Variants in CRB3 observed in about 807,000 individuals in gnomAD.
The protein encoded by CRB3 is protein crumbs homolog 3.
In CRB3, 4 loss-of-function variants were observed where a neutral mutation model predicts 10.4. The observed-to-expected ratio is 0.39, with a 90% CI of 0.19 to 0.88. The LOEUF is 0.88. Ranked by LOEUF, CRB3 falls within the 40% of genes least tolerant of loss-of-function variation. CRB3 has a pLI of 0.39. For missense variants in CRB3, 154 were observed against 160.2 expected (o/e 0.96, Z 0.21); for synonymous variants, 74 against 73.4 (o/e 1.01, Z -0.04).
Position 6,464,618 on chromosome 19 carries a change from G to A in CRB3, c.-84G>A. On this transcript the variant is annotated 5_prime_UTR_variant, in exon 2 of 4. Transcript: ENST00000600229. The surrounding 1 kb of genome is among the most constrained non-coding windows in gnomAD (Gnocchi z 5.3). ...TTCTCCTGTCCCCAGGTGCCCCGTCGCAGGTGCCCCTGGCCGGAGATGCGG... is the reference window on the plus strand; with the variant it reads ...TTCTCCTGTCCCCAGGTGCCCCGTCACAGGTGCCCCTGGCCGGAGATGCGG... 2 of 847,118 alleles carry A rather than the reference G, an allele frequency of 2.4e-6. No homozygotes were observed. Among genetic ancestry groups the A allele is most frequent in the Non-Finnish European group, 3.1e-6 (2 of 636,716 alleles). 52.5% of individuals were successfully genotyped at this position (847,118 alleles called of 1,614,324 possible).
intron 2 of CRB3, chr19:6,465,179 A>G: frequency 3.3e-6 from 1 of 302,486 alleles, no homozygotes; most frequent in African/African-American, 2.1e-5. Flanking sequence ...TGTAGACCCC[A>G]GCCATTCAGT....
rs113905360 is a variant in CRB3, at chr19:6,466,746, C to G, written c.*74C>G. 4 of 1,555,260 alleles carry G rather than the reference C, an allele frequency of 2.6e-6. No individual in the cohort carries two copies. In the African/African-American group the frequency reaches 4.1e-5, roughly 16 times the overall value. On this transcript the variant is annotated 3_prime_UTR_variant, in exon 4 of 4. Coordinates refer to ENST00000600229, the MANE Select transcript of CRB3 (RefSeq NM_139161.5). The surrounding 1 kb of genome is among the most constrained non-coding windows in gnomAD (Gnocchi z 4.9). ...CTGGCTTGTACACCGCAGCTGCCACCGAGACACCAGCCTCTGATGGCTCAG... is the reference window on the plus strand; with the variant it reads ...CTGGCTTGTACACCGCAGCTGCCACGGAGACACCAGCCTCTGATGGCTCAG...
At position 6,467,081 on chromosome 19, in the gene CRB3, C is replaced by T. The variant is rs1458432997; in HGVS notation, c.*409C>T. Reference sequence around the variant, plus strand: ...TGTGTGACCTTGGGGAAAGGCAGTGCCCTCTCTGGGCAGTCAGATCCACCC... The same window carrying T: ...TGTGTGACCTTGGGGAAAGGCAGTGTCCTCTCTGGGCAGTCAGATCCACCC... On this transcript the variant is annotated 3_prime_UTR_variant, in exon 4 of 4. Transcript: ENST00000600229. 1 of 1,506,842 alleles carries T rather than the reference C, an allele frequency of 6.6e-7. No homozygotes were observed. The highest frequency in any genetic ancestry group is 9.2e-7 in the Non-Finnish European group (1 of 1,085,916). The allele number at this position is 1,506,842 out of a possible 1,614,324, so 93.3% of individuals were successfully genotyped here.
rs1255181224 is a variant in CRB3, at chr19:6,466,762, G to A, written c.*90G>A. 2 of 1,552,918 alleles carry A rather than the reference G, an allele frequency of 1.3e-6. No homozygotes were observed. Among genetic ancestry groups the A allele is most frequent in the Non-Finnish European group, 1.7e-6 (2 of 1,153,224 alleles). On this transcript the variant is annotated 3_prime_UTR_variant, in exon 4 of 4. Coordinates refer to ENST00000600229, the MANE Select transcript of CRB3 (RefSeq NM_139161.5). This position sits in a 1 kb window ranked among gnomAD's most constrained non-coding sequence, Gnocchi z 4.9. ...AGCTGCCACCGAGACACCAGCCTCT[G>A]ATGGCTCAGGAGGACTTGTGGGGAG...
intron 2 of CRB3, 32 bp from the exon 3 acceptor site, chr19:6,465,513 A>G: frequency 1.3e-6 from 2 of 1,579,888 alleles, no homozygotes; most frequent in Non-Finnish European, 1.7e-6. Flanking sequence ...AAAGATGGAG[A>G]CTGAGTTATT....
Position 6,466,991 on chromosome 19 carries a change from AGGAGAC to A in CRB3, c.*322_*327del. On this transcript the variant is annotated 3_prime_UTR_variant, in exon 4 of 4. Coordinates refer to ENST00000600229, the MANE Select transcript of CRB3 (RefSeq NM_139161.5). This position sits in a 1 kb window ranked among gnomAD's most constrained non-coding sequence, Gnocchi z 4.9. The stretch of plus-strand genomic sequence containing the variant: ...GAGGCCCGGGCCCCTCAGGACTCCA[AGGAGAC>A]GGTGCAGGGCTGCCTGCCCATCTAG... 1.2e-6 allele frequency: 2 copies of A among 1,614,038 alleles called. No individual in the cohort carries two copies. The highest frequency in any genetic ancestry group is 2.2e-5 in the South Asian group (2 of 91,068).
intron 3 of CRB3, 117 bp downstream of exon 3, chr19:6,465,735 C>T (rs919060900): frequency 7.0e-6 from 6 of 860,384 alleles, no homozygotes; most frequent in South Asian, 2.7e-5. Context: ...GTCAGGGTGG[C>T]TTTGGAGAGC....
At chr19:6,464,087 C>A (rs915876888), upstream of CRB3, 1 of 152,270 alleles carries the variant, frequency 6.6e-6, no homozygotes, top group South Asian at 2.1e-4. This position sits in a 1 kb window ranked among gnomAD's most constrained non-coding sequence, Gnocchi z 5.3. Context: ...CGCGGTCTCC[C>A]TCCCCGCATC....
Position 6,466,592 on chromosome 19 carries a change from C to T in CRB3, c.283C>T (p.Pro95Ser). 1.2e-6 allele frequency: 2 copies of T among 1,608,556 alleles called. No individual in the cohort carries two copies. ...EKRQTEGTYR[P>S]SSEEQVGARV... ...GCGGCAGACGGAGGGCACCTACCGG[C>T]CCAGTAGCGAGGAGCAGGTGGGTGC... Residue 95 changes from proline to serine, a missense_variant, in exon 4 of 4, where the codon CCC becomes TCC. Coordinates refer to ENST00000600229, the MANE Select transcript of CRB3 (RefSeq NM_139161.5). This position sits in a 1 kb window ranked among gnomAD's most constrained non-coding sequence, Gnocchi z 4.9.
At position 6,464,510 on chromosome 19, in the gene CRB3, C is replaced by A; in HGVS notation, c.-94-98C>A. 1 of 395,138 alleles carries A rather than the reference C, an allele frequency of 2.5e-6. No homozygotes were observed. The highest frequency in any genetic ancestry group is 4.5e-6 in the Non-Finnish European group (1 of 224,566). The allele number at this position is 395,138 out of a possible 1,614,324, so 24.5% of individuals were successfully genotyped here. A position where few individuals can be genotyped will look rare whatever the true frequency, so the allele number is the denominator to read the frequency against. ...CTCTGGCGGCTGGGGCGGGGCGGGA[C>A]TCATGGGTGCCCTGGCGCCAGTTGT... On this transcript the variant is annotated intron_variant, in intron 1 of 3. Coordinates refer to ENST00000600229, the MANE Select transcript of CRB3 (RefSeq NM_139161.5). This position sits in a 1 kb window ranked among gnomAD's most constrained non-coding sequence, Gnocchi z 5.3.
In CRB3 at chr19:6,466,670, T is replaced by C; in HGVS notation, c.361T>C (p.Ter121ArgextTer130). ...LKLPPEERLI[*>R] is the part of the protein sequence containing the mutation. ...GTTGCCGCCGGAAGAGCGGCTCATCTGAACGCTGGGGCCTGCTGCAGCCAC... is the reference window on the plus strand; with the variant it reads ...GTTGCCGCCGGAAGAGCGGCTCATCCGAACGCTGGGGCCTGCTGCAGCCAC... The change falls in exon 4 of 4, where the codon TGA (stop) becomes CGA (arginine). Residue 121 changes from the stop codon to arginine (R), a stop_lost. Transcript: ENST00000600229. This position sits in a 1 kb window ranked among gnomAD's most constrained non-coding sequence, Gnocchi z 4.9. 6.3e-7 allele frequency: 1 copy of C among 1,599,426 alleles called. No individual in the cohort carries two copies. Among genetic ancestry groups the C allele is most frequent in the Non-Finnish European group, 8.5e-7 (1 of 1,179,500 alleles).
chr19:6,464,980 T>G lies in CRB3; in HGVS notation c.82+197T>G. On this transcript the variant is annotated intron_variant, in intron 2 of 3. Coordinates refer to ENST00000600229, the MANE Select transcript of CRB3 (RefSeq NM_139161.5). This position sits in a 1 kb window ranked among gnomAD's most constrained non-coding sequence, Gnocchi z 5.3. ...GATTTCTAGTTTCTTCCTTGGACAC[T>G]GGGAGTTGGTCTAGGAGACCTGAGT... The G allele has an allele frequency of 5.2e-6, 2 of 384,970 alleles. No homozygotes were observed. The highest frequency in any genetic ancestry group is 4.5e-5 in the Admixed American group (1 of 22,174). The allele number at this position is 384,970 out of a possible 1,614,324, so 23.8% of individuals were successfully genotyped here.
chr19:6,467,087 C>G lies in CRB3; in HGVS notation c.*415C>G. 1.4e-6 allele frequency: 2 copies of G among 1,452,990 alleles called. No individual in the cohort carries two copies. The highest frequency in any genetic ancestry group is 2.3e-5 in the South Asian group (2 of 87,216). 90.0% of individuals were successfully genotyped at this position (1,452,990 alleles called of 1,614,324 possible). A position where few individuals can be genotyped will look rare whatever the true frequency, so the allele number is the denominator to read the frequency against. On this transcript the variant is annotated 3_prime_UTR_variant, in exon 4 of 4. Coordinates refer to ENST00000600229, the MANE Select transcript of CRB3 (RefSeq NM_139161.5). The stretch of plus-strand genomic sequence containing the variant: ...ACCTTGGGGAAAGGCAGTGCCCTCT[C>G]TGGGCAGTCAGATCCACCCAGTGCT...
Position 6,466,348 on chromosome 19 carries a change from GATGTGTGTA to G in CRB3, c.157-117_157-109del. 1 of 857,568 alleles carries G rather than the reference GATGTGTGTA, an allele frequency of 1.2e-6. No individual in the cohort carries two copies. Among genetic ancestry groups the G allele is most frequent in the Non-Finnish European group, 1.9e-6 (1 of 527,130 alleles). 53.1% of individuals were successfully genotyped at this position (857,568 alleles called of 1,614,324 possible). A position where few individuals can be genotyped will look rare whatever the true frequency, so the allele number is the denominator to read the frequency against. ...GGGGATCAGATCACCAAAAGTGGCA[GATGTGTGTA>G]TGTGTGTGTGTGTGTTGTGGGGTAG... is the stretch of plus-strand genomic sequence containing the variant. On this transcript the variant is annotated intron_variant, in intron 3 of 3. Transcript: ENST00000600229. The surrounding 1 kb of genome is among the most constrained non-coding windows in gnomAD (Gnocchi z 4.9).
In CRB3 at chr19:6,464,746, G is replaced by C; in HGVS notation, c.45G>C (p.Pro15=). The change falls in exon 2 of 4, where the codon CCG becomes CCC. Residue 15 remains proline, a synonymous_variant. Transcript: ENST00000600229. This position sits in a 1 kb window ranked among gnomAD's most constrained non-coding sequence, Gnocchi z 5.3. Reference sequence around the variant, plus strand: ...GGCTGCTTCTGGCGCTGGGCCTGCCGTTCCTGCTGGCCCGCTGGGGCCGAG... The same window carrying C: ...GGCTGCTTCTGGCGCTGGGCCTGCCCTTCCTGCTGGCCCGCTGGGGCCGAG... ...GLGLLLALGL[P]FLLARWGRAW... is the part of the protein sequence containing the mutation. 7.9e-7 allele frequency: 1 copy of C among 1,265,848 alleles called. No homozygotes were observed. Among genetic ancestry groups the C allele is most frequent in the Non-Finnish European group, 1.0e-6 (1 of 1,004,242 alleles). The allele number at this position is 1,265,848 out of a possible 1,614,324, so 78.4% of individuals were successfully genotyped here.
upstream of CRB3, chr19:6,464,049 T>G (rs2092783531): frequency 6.6e-6 from 1 of 152,218 alleles, no homozygotes; most frequent in African/African-American, 2.4e-5. The surrounding 1 kb of genome is among the most constrained non-coding windows in gnomAD (Gnocchi z 5.3). Flanking sequence ...AATGCAGGTG[T>G]AAGGTCCCCC....
chr19:6,466,978 C>A lies in CRB3; in HGVS notation c.*306C>A. On this transcript the variant is annotated 3_prime_UTR_variant, in exon 4 of 4. Coordinates refer to ENST00000600229, the MANE Select transcript of CRB3 (RefSeq NM_139161.5). The surrounding 1 kb of genome is among the most constrained non-coding windows in gnomAD (Gnocchi z 4.9). Reference sequence around the variant, plus strand: ...CTCCCATGCAGCCGAGGCCCGGGCCCCTCAGGACTCCAAGGAGACGGTGCA... The same window carrying A: ...CTCCCATGCAGCCGAGGCCCGGGCCACTCAGGACTCCAAGGAGACGGTGCA... 6.2e-7 allele frequency: 1 copy of A among 1,614,038 alleles called. No homozygotes were observed. The highest frequency in any genetic ancestry group is 8.5e-7 in the Non-Finnish European group (1 of 1,180,008).
chr19:6,466,550 C>A lies in CRB3; in HGVS notation c.241C>A (p.Arg81=), dbSNP rs754598571. The part of the protein sequence containing the change: ...LLAVGLALLV[R]KLREKRQTEG... ...GGCTGTGGGGCTGGCACTGTTGGTGCGGAAGCTTCGGGAGAAGCGGCAGAC... is the reference window on the plus strand; with the variant it reads ...GGCTGTGGGGCTGGCACTGTTGGTGAGGAAGCTTCGGGAGAAGCGGCAGAC... Residue 81 remains arginine, a synonymous_variant, in exon 4 of 4, where the codon CGG becomes AGG. Transcript: ENST00000600229. The surrounding 1 kb of genome is among the most constrained non-coding windows in gnomAD (Gnocchi z 4.9). 1.2e-6 allele frequency: 2 copies of A among 1,612,750 alleles called. No homozygotes were observed. Among genetic ancestry groups the A allele is most frequent in the Admixed American group, 1.7e-5 (1 of 60,022 alleles).
Position 6,464,694 on chromosome 19 carries a change from C to G in CRB3, c.-8C>G, listed in dbSNP as rs915188471. ...CTTCCTCGGCGCTGCCAACCCGCCA[C>G]CCAGCCCATGGCGAACCCCGGGCTG... is the stretch of plus-strand genomic sequence containing the variant. On this transcript the variant is annotated 5_prime_UTR_variant, in exon 2 of 4. Transcript: ENST00000600229. The surrounding 1 kb of genome is among the most constrained non-coding windows in gnomAD (Gnocchi z 5.3). The G allele has an allele frequency of 7.3e-6, 9 of 1,236,810 alleles. No homozygotes were observed. The highest frequency in any genetic ancestry group is 4.2e-5 in the Admixed American group (1 of 24,038). The allele number at this position is 1,236,810 out of a possible 1,614,324, so 76.6% of individuals were successfully genotyped here. A position where few individuals can be genotyped will look rare whatever the true frequency, so the allele number is the denominator to read the frequency against.
Sources: allele counts gnomAD v4.1 joint callset, GRCh38; gene constraint gnomAD v4.1.1; non-coding constraint Gnocchi (gnomAD v3.1); transcripts MANE v1.5; gene names NCBI Gene and HGNC (gene_info 2026-07-23, HGNC 2026-07-21).